The following PTPRG variants were observed in gnomAD, a reference collection of about 807,000 sequenced individuals.
PTPRG encodes the protein receptor-type tyrosine-protein phosphatase gamma.
In PTPRG, 102 loss-of-function variants were observed where a neutral mutation model predicts 165.3. The observed-to-expected ratio is 0.62, with a 90% CI of 0.53 to 0.73. The LOEUF (loss-of-function observed/expected upper bound fraction) is 0.73, where lower values mean the gene tolerates loss of function less well. Ranked by LOEUF, PTPRG falls within the 30% of genes least tolerant of loss-of-function variation. The pLI, the probability that PTPRG is intolerant of heterozygous loss-of-function variation, is 0.00. For missense variants in PTPRG, 1,866 were observed against 1,861.4 expected (o/e 1.00, Z -0.05); for synonymous variants, 675 against 669.5 (o/e 1.01, Z -0.13).
rs189468696 is a variant in PTPRG, at chr3:62,027,007, T to A, written c.519+23510T>A. On this transcript the variant is annotated intron_variant, in intron 4 of 29. Transcript: ENST00000474889. ...AAATGAATAGGAGCAATTATTATTG[T>A]CTGCTCTTCCTATTGTTGTTACTAC... Among the ~76,000 whole-genome samples, 298 of 152,182 alleles carry A rather than the reference T, an allele frequency of 2.0e-3. 2 individuals are homozygous for A. The highest frequency in any genetic ancestry group is 6.9e-3 in the African/African-American group (285 of 41,530).
chr3:62,022,669 G>C (rs1247978416), intron 4 of PTPRG, among the ~76,000 whole-genome samples: 1 of 152,134 alleles, frequency 6.6e-6, no homozygotes. Context: ...CTCCCAGATT[G>C]ATAGCGTCTT....
Position 62,146,647 on chromosome 3 carries a change from T to A in PTPRG, c.683-10420T>A, listed in dbSNP as rs923804516. Among the ~76,000 whole-genome samples the A allele has an allele frequency of 1.4e-4, 18 of 132,568 alleles. No individual in the cohort carries two copies. The South Asian group carries it at 2.6e-3, about 19-fold the overall frequency. The allele number at this position is 132,568 out of a possible 152,430, so 87.0% of individuals were successfully genotyped here. ...TGTTGCTTTTAAAAAAAAAAAAAAA[T>A]ACGCCGCCCTCATATAGGAGTGCAG... On this transcript the variant is annotated intron_variant, in intron 6 of 29. Coordinates refer to ENST00000474889, the MANE Select transcript of PTPRG (RefSeq NM_002841.4).
chr3:61,825,984 A>G (rs1191839320), intron 2 of PTPRG, among the ~76,000 whole-genome samples: 5 of 152,186 alleles, frequency 3.3e-5, no homozygotes, highest in Admixed American at 6.5e-5. Flanking sequence ...GATAACAGTA[A>G]CAATTTTGGA....
At chr3:61,852,471 A>G (rs1403982874) in intron 2 of PTPRG, among the ~76,000 whole-genome samples, 5 of 152,230 alleles carry the variant, frequency 3.3e-5, no homozygotes, top group Non-Finnish European at 7.3e-5. Context: ...CTACTTGCAT[A>G]CTTCGGATTT....
At chr3:61,939,928 CTTTTTTTTTTTTTTTTTTTTTTT>C (rs561334410) in intron 2 of PTPRG, among the ~76,000 whole-genome samples, 3 of 39,108 alleles carry the variant, frequency 7.7e-5, no homozygotes, top group Non-Finnish European at 1.4e-4. Context: ...ACTGACTTGT[CTTTTTTTTTTTTTTTTTTTTTTT>C]TTTTTTTTTT....
chr3:62,072,187 G>A (rs1383672411), intron 4 of PTPRG, among the ~76,000 whole-genome samples: 4 of 152,284 alleles, frequency 2.6e-5, no homozygotes, highest in Middle Eastern at 3.4e-3. Context: ...GTGGAGCATT[G>A]ACTGTTGTCA....
At chr3:61,660,363 A>G (rs1702623426) in intron 1 of PTPRG, among the ~76,000 whole-genome samples, 1 of 152,246 alleles carries the variant, frequency 6.6e-6, no homozygotes, top group African/African-American at 2.4e-5. Flanking sequence ...AAGGCAGTAC[A>G]GAAGTATCAC....
chr3:61,937,917 A>T (rs1375346938), intron 2 of PTPRG, among the ~76,000 whole-genome samples: 1 of 149,716 alleles, frequency 6.7e-6, no homozygotes, highest in Non-Finnish European at 1.5e-5. Flanking sequence ...AAGGAAAAAC[A>T]ATCCTGCATT....
intron 2 of PTPRG, among the ~76,000 whole-genome samples, chr3:61,881,958 T>C (rs2037900072): frequency 6.6e-6 from 1 of 152,206 alleles, no homozygotes; most frequent in African/African-American, 2.4e-5. Flanking sequence ...TGTATATAAC[T>C]AGACCCGTGT....
intron 4 of PTPRG, among the ~76,000 whole-genome samples, chr3:62,038,854 A>T (rs1226838677): frequency 6.6e-6 from 1 of 152,164 alleles, no homozygotes; most frequent in African/African-American, 2.4e-5. Flanking sequence ...TTATATAGCT[A>T]AACTTGGATC....
chr3:61,775,231 G>A (rs963809957), intron 2 of PTPRG, among the ~76,000 whole-genome samples: 3 of 151,958 alleles, frequency 2.0e-5, no homozygotes, highest in African/African-American at 7.3e-5. Flanking sequence ...CCACCACACC[G>A]GGATACTTTT....
chr3:61,809,698 G>A (rs1258882684), intron 2 of PTPRG, among the ~76,000 whole-genome samples: 1 of 152,162 alleles, frequency 6.6e-6, no homozygotes, highest in Non-Finnish European at 1.5e-5. Flanking sequence ...TAGTTATTCT[G>A]TATTAATATG....
intron 1 of PTPRG, among the ~76,000 whole-genome samples, chr3:61,678,536 C>T (rs1392793423): frequency 6.6e-6 from 1 of 152,014 alleles, no homozygotes; most frequent in African/African-American, 2.4e-5. Context: ...GTAGCTGTAC[C>T]CTCTGTCTTT....
intron 8 of PTPRG, among the ~76,000 whole-genome samples, chr3:62,181,987 C>A (rs1340693509): frequency 6.6e-6 from 1 of 152,120 alleles, no homozygotes; most frequent in Non-Finnish European, 1.5e-5. Flanking sequence ...CATACACAGT[C>A]AATTAACACA....
At chr3:62,144,409 G>A (rs1268944069) in intron 6 of PTPRG, among the ~76,000 whole-genome samples, 1 of 152,306 alleles carries the variant, frequency 6.6e-6, no homozygotes, top group South Asian at 2.1e-4. Flanking sequence ...CTGTTTTAAT[G>A]TTTAACTTAA....
chr3:62,084,516 C>T (rs1001969508), intron 5 of PTPRG, among the ~76,000 whole-genome samples: 15 of 152,264 alleles, frequency 9.9e-5, no homozygotes, highest in Admixed American at 2.0e-4. Flanking sequence ...TTGCAAGTTG[C>T]GAACCCATTC....
At chr3:61,844,426 A>C (rs1575714822) in intron 2 of PTPRG, among the ~76,000 whole-genome samples, 1 of 152,218 alleles carries the variant, frequency 6.6e-6, no homozygotes, top group Admixed American at 6.5e-5. Flanking sequence ...ATCCCATTCA[A>C]TATTTGTGAC....
At chr3:62,111,755 A>G (rs1227069729) in intron 5 of PTPRG, among the ~76,000 whole-genome samples, 1 of 151,898 alleles carries the variant, frequency 6.6e-6, no homozygotes, top group Non-Finnish European at 1.5e-5. Context: ...CCCATTTTCT[A>G]ACATAGTATT....
At chr3:62,136,115 C>G (rs1559552414) in intron 6 of PTPRG, among the ~76,000 whole-genome samples, 1 of 152,122 alleles carries the variant, frequency 6.6e-6, no homozygotes, top group Non-Finnish European at 1.5e-5. Context: ...TCCAGAGGCA[C>G]CTTCCTAATC....
Sources: allele counts gnomAD v4.1 joint callset (sites outside exome capture counted in the v4.1 genomes callset), GRCh38; gene constraint gnomAD v4.1.1; transcripts MANE v1.5; gene names NCBI Gene and HGNC (gene_info 2026-07-23, HGNC 2026-07-21).